TJP3: variants seen among roughly 807,000 people sequenced by gnomAD.
TJP3 encodes tight junction protein ZO-3.
Under a neutral mutation model 104.2 loss-of-function variants are expected in TJP3, and 85 were observed. That is an observed-to-expected ratio of 0.82 (90% CI 0.68 to 0.98). The LOEUF (loss-of-function observed/expected upper bound fraction) is 0.98. TJP3 is among the 50% of genes least tolerant of loss of function. TJP3 has a pLI of 0.00. For missense variants in TJP3, 1,367 were observed against 1,322.8 expected, an observed-to-expected ratio of 1.03 and a Z score of -0.52; for synonymous variants, 550 against 550.6, an observed-to-expected ratio of 1.00 and a Z score of 0.02.
chr19:3,737,908 C>T (rs565270639), intron 11 of TJP3, among the ~76,000 whole-genome samples: 1 of 151,946 alleles, frequency 6.6e-6, no homozygotes, highest in South Asian at 2.1e-4. Flanking sequence ...GAGCAGGTGG[C>T]TGTGTCTGTA....
At chr19:3,715,601 A>T (rs2036470304) in intron 1 of TJP3, among the ~76,000 whole-genome samples, 1 of 152,062 alleles carries the variant, frequency 6.6e-6, no homozygotes, top group Non-Finnish European at 1.5e-5. Flanking sequence ...GCAGTTATCC[A>T]GCTTCCTCTC....
At chr19:3,714,742 C>T (rs2036461998) in intron 1 of TJP3, among the ~76,000 whole-genome samples, 2 of 152,038 alleles carry the variant, frequency 1.3e-5, no homozygotes, top group South Asian at 4.1e-4. Flanking sequence ...GACCTCAGCC[C>T]AGCCCCTGCT....
chr19:3,747,460 G>A (rs545476628), intron 18 of TJP3, among the ~76,000 whole-genome samples: 82 of 152,208 alleles, frequency 5.4e-4, no homozygotes, highest in South Asian at 1.4e-3. Context: ...ACTTGAACCC[G>A]GGAGGCAGAG....
rs1329819067 is a variant in TJP3 at position 3,738,930 on chromosome 19, A to G, written c.1427A>G (p.Asp476Gly). The G allele has an allele frequency of 1.9e-6, 3 of 1,609,072 alleles. No individual in the cohort carries two copies. Among genetic ancestry groups the G allele is most frequent in the Non-Finnish European group, 2.5e-6 (3 of 1,177,380 alleles). ...AAAATGGTGCAGTCCCGCGTGGGTGACTCCTTCTACATCCGCACTCACTTT... is the reference window on the plus strand; with the variant it reads ...AAAATGGTGCAGTCCCGCGTGGGTGGCTCCTTCTACATCCGCACTCACTTT... ...FWKMVQSRVG[D>G]SFYIRTHFEL... The change falls in exon 13 of 21, where the codon GAC becomes GGC. Residue 476 changes from aspartate to glycine, a missense_variant. Physicochemically the swap from Asp to Gly is moderately conservative, Grantham distance 94 (BLOSUM62 -1). Coordinates refer to ENST00000541714, the MANE Select transcript of TJP3 (RefSeq NM_001267560.2).
chr19:3,718,482 C>T (rs1261009249), intron 1 of TJP3, among the ~76,000 whole-genome samples: 3 of 114,212 alleles, frequency 2.6e-5, no homozygotes, highest in Non-Finnish European at 3.6e-5. Context: ...TGGTGGGGGG[C>T]GGGGTGGACA....
At chr19:3,710,693 C>T (rs1263802230) in intron 1 of TJP3, among the ~76,000 whole-genome samples, 1 of 151,928 alleles carries the variant, frequency 6.6e-6, no homozygotes, top group East Asian at 1.9e-4. Context: ...GCCCAGGGAG[C>T]GAACGGGCAT....
At chr19:3,740,519 C>T in intron 13 of TJP3, 33 bp from the exon 14 acceptor site, 2 of 1,317,974 alleles carry the variant, frequency 1.5e-6, no homozygotes, top group Non-Finnish European at 9.8e-7. Flanking sequence ...GCTGCTGACC[C>T]CAGTGCTCAG....
At chr19:3,726,011 C>T (rs993422274) in intron 1 of TJP3, among the ~76,000 whole-genome samples, 1 of 152,240 alleles carries the variant, frequency 6.6e-6, no homozygotes, top group Non-Finnish European at 1.5e-5. Context: ...TCCTGGAGAT[C>T]AGGAATGCTG....
rs2036979034 is a variant in TJP3, at chr19:3,750,516, C to G, written c.2658-66C>G. On this transcript the variant is annotated intron_variant, in intron 20 of 20. Coordinates refer to ENST00000541714, the MANE Select transcript of TJP3 (RefSeq NM_001267560.2). The stretch of plus-strand genomic sequence containing the variant: ...CCACTGTGCCTAGCACAGCCAGCCT[C>G]AGTTTATGGTGAGAAAGCTCACACC... The G allele has an allele frequency of 5.8e-6, 8 of 1,377,930 alleles. No individual in the cohort carries two copies. In the African/African-American group the frequency reaches 7.1e-5, roughly 12 times the overall value. 85.4% of individuals were successfully genotyped at this position (1,377,930 alleles called of 1,614,324 possible). A position where few individuals can be genotyped will look rare whatever the true frequency, so the allele number is the denominator to read the frequency against.
At chr19:3,723,718 A>C (rs1210235376) in intron 1 of TJP3, among the ~76,000 whole-genome samples, 1 of 151,202 alleles carries the variant, frequency 6.6e-6, no homozygotes, top group African/African-American at 2.4e-5. Context: ...GCTGGAACCC[A>C]GGAGGCGGAG....
In TJP3 at chr19:3,739,696, G is replaced by C. The variant is rs749381347; in HGVS notation, c.1631+562G>C. ...GGAGAGCAAAAGTACTAAAGTCAAG[G>C]TATGGGCAGGCCTGGGCCCTCCCAG... On this transcript the variant is annotated intron_variant, in intron 13 of 20. Transcript: ENST00000541714. Among the ~76,000 whole-genome samples, 257 of 152,252 alleles carry C rather than the reference G, an allele frequency of 1.7e-3. 1 individual carries two copies. The highest frequency in any genetic ancestry group is 4.6e-4 in the Non-Finnish European group (31 of 68,012).
Position 3,733,650 on chromosome 19 carries a change from C to CT in TJP3, c.718-102dup, listed in dbSNP as rs2036700015. 8 of 1,522,938 alleles carry CT rather than the reference C, an allele frequency of 5.3e-6. No individual in the cohort carries two copies. In the Admixed American group the frequency reaches 7.1e-5, roughly 13 times the overall value. The allele number at this position is 1,522,938 out of a possible 1,614,324, so 94.3% of individuals were successfully genotyped here. On this transcript the variant is annotated intron_variant, in intron 6 of 20. Coordinates refer to ENST00000541714, the MANE Select transcript of TJP3 (RefSeq NM_001267560.2). ...AGGGAGTGGCTGTTTTTAGCAACCT[C>CT]TGGGGGAATTGTCTGTTTCAAGTTC...
chr19:3,741,696 C>T (rs762702401), intron 14 of TJP3, among the ~76,000 whole-genome samples: 5 of 150,432 alleles, frequency 3.3e-5, no homozygotes, highest in African/African-American at 7.3e-5. Flanking sequence ...GGCCTGGGTG[C>T]GGTGGCTCAC....
At chr19:3,748,139 G>A (rs943946246) in intron 19 of TJP3, 58 bp downstream of exon 19, 3 of 1,471,320 alleles carry the variant, frequency 2.0e-6, no homozygotes, top group East Asian at 5.0e-5. Context: ...TGCCAGCACA[G>A]AGCAGACACA....
chr19:3,734,517 C>T, intron 8 of TJP3, 82 bp downstream of exon 8: 1 of 1,268,738 alleles, frequency 7.9e-7, no homozygotes, highest in South Asian at 1.4e-5. Flanking sequence ...CGTAGCTTTC[C>T]AACTGGGGGT....
At chr19:3,741,363 G>C (rs1033449727) in intron 14 of TJP3, among the ~76,000 whole-genome samples, 1 of 152,142 alleles carries the variant, frequency 6.6e-6, no homozygotes, top group Non-Finnish European at 1.5e-5. Flanking sequence ...CCCGCTGCTT[G>C]GGAAGCTGAG....
At chr19:3,713,618 C>T (rs1160920392) in intron 1 of TJP3, among the ~76,000 whole-genome samples, 12 of 152,042 alleles carry the variant, frequency 7.9e-5, no homozygotes, top group Admixed American at 7.2e-4. Flanking sequence ...CATATGTACC[C>T]GTGTAATAAT....
chr19:3,719,041 A>G (rs1044890626), intron 1 of TJP3, among the ~76,000 whole-genome samples: 2 of 151,572 alleles, frequency 1.3e-5, no homozygotes, highest in Non-Finnish European at 2.9e-5. Context: ...AAAATTAGCC[A>G]CGCGTGGTGG....
Position 3,731,988 on chromosome 19 carries a change from G to T in TJP3, c.667G>T (p.Gly223Cys), listed in dbSNP as rs760420989. The change falls in exon 6 of 21, where the codon GGC (glycine) becomes TGC (cysteine). Residue 223 changes from glycine to cysteine, a missense_variant. Physicochemically the swap from Gly to Cys is radical, Grantham distance 159. Coordinates refer to ENST00000541714, the MANE Select transcript of TJP3 (RefSeq NM_001267560.2). ...CTTCATCAAGCACATTACAGATTCG[G>T]GCCTGGCTGCCCGGCACCGTGGGCT... ...QIFIKHITDS[G>C]LAARHRGLQE... 2 of 1,613,532 alleles carry T rather than the reference G, an allele frequency of 1.2e-6. No homozygotes were observed. The highest frequency in any genetic ancestry group is 1.7e-5 in the Admixed American group (1 of 59,962).
Sources: allele counts gnomAD v4.1 joint callset (sites outside exome capture counted in the v4.1 genomes callset), GRCh38; gene constraint gnomAD v4.1.1; transcripts MANE v1.5; gene names NCBI Gene and HGNC (gene_info 2026-07-23, HGNC 2026-07-21).